Variants in ZNF407 observed in about 807,000 individuals in gnomAD.
ZNF407 encodes zinc finger protein 407.
A neutral mutation model predicts 131.2 loss-of-function variants in ZNF407; 17 were observed. The observed-to-expected ratio is 0.13, with a 90% CI of 0.09 to 0.19. The LOEUF is 0.19. Ranked by LOEUF, ZNF407 falls within the 10% of genes least tolerant of loss-of-function variation. The probability of loss-of-function intolerance (pLI) is 1.00; values close to 1 mark genes in which losing one functional copy is unlikely to be tolerated. For synonymous variants in ZNF407, 1,156 were observed against 1,062.0 expected (o/e 1.09, Z -1.72); for missense variants, 2,681 against 2,830.6 (o/e 0.95, Z 1.20).
At chr18:75,025,104 T>C (rs1274406134) in intron 8 of ZNF407, among the ~76,000 whole-genome samples, 1 of 152,244 alleles carries the variant, frequency 6.6e-6, no homozygotes, top group African/African-American at 2.4e-5. Flanking sequence ...TGTAACCATA[T>C]GTTTTTGCTT....
intron 1 of ZNF407, among the ~76,000 whole-genome samples, chr18:74,612,176 T>C (rs1983089625): frequency 6.6e-6 from 1 of 152,120 alleles, no homozygotes; most frequent in South Asian, 2.1e-4. Flanking sequence ...TTTTAAAGTT[T>C]AGAAACATGC....
intron 8 of ZNF407, among the ~76,000 whole-genome samples, chr18:74,937,194 A>G (rs1178334166): frequency 6.6e-6 from 1 of 152,234 alleles, no homozygotes; most frequent in Non-Finnish European, 1.5e-5. Context: ...GGCAAGCTCT[A>G]GAAAGTAGCA....
intron 3 of ZNF407, among the ~76,000 whole-genome samples, chr18:74,759,769 T>C (rs548098190): frequency 6.6e-6 from 1 of 151,830 alleles, no homozygotes; most frequent in South Asian, 2.1e-4. Flanking sequence ...TATTTTCCTG[T>C]ATTTCTTATT....
chr18:74,791,184 T>C (rs1969819095), intron 4 of ZNF407, among the ~76,000 whole-genome samples: 4 of 152,224 alleles, frequency 2.6e-5, no homozygotes, highest in African/African-American at 9.6e-5. Flanking sequence ...CCGTTAGTCC[T>C]TTCAAGAACA....
At chr18:75,035,510 G>A (rs533832339) in intron 8 of ZNF407, among the ~76,000 whole-genome samples, 7 of 152,164 alleles carry the variant, frequency 4.6e-5, no homozygotes, top group Admixed American at 2.0e-4. Context: ...TCAGGGTCTC[G>A]TTCTCTATAT....
chr18:74,884,962 A>G (rs923456748), intron 6 of ZNF407, among the ~76,000 whole-genome samples: 1 of 152,180 alleles, frequency 6.6e-6, no homozygotes, highest in Non-Finnish European at 1.5e-5. Flanking sequence ...TACCAACACT[A>G]TTGCGATAAA....
Position 74,634,964 on chromosome 18 carries a change from A to G in ZNF407, c.3945A>G (p.Glu1315=). Residue 1315 remains glutamate, a synonymous_variant, in exon 2 of 9, where the codon GAA becomes GAG. Transcript: ENST00000299687. ...AAATTCTGATGAATTCACAACATGA[A>G]ACAGAATTTATTTTGGAGGAGGATG... The part of the protein sequence containing the change: ...NKEILMNSQH[E]TEFILEEDGP... The G allele has an allele frequency of 6.2e-7, 1 of 1,614,018 alleles. No individual in the cohort carries two copies. The highest frequency in any genetic ancestry group is 1.3e-5 in the African/African-American group (1 of 75,060).
chr18:74,993,033 A>G (rs971979449), intron 8 of ZNF407, among the ~76,000 whole-genome samples: 4 of 152,206 alleles, frequency 2.6e-5, no homozygotes, highest in African/African-American at 7.2e-5. Context: ...TGCTGGTAGT[A>G]CTGTAAAAAT....
chr18:74,853,722 G>A (rs542145765), intron 4 of ZNF407, among the ~76,000 whole-genome samples: 4 of 151,966 alleles, frequency 2.6e-5, no homozygotes, highest in African/African-American at 4.8e-5. Flanking sequence ...GCTGCTCTCT[G>A]TTTGTTCATC....
At chr18:74,994,612 T>TGTCC (rs1215509868) in intron 8 of ZNF407, among the ~76,000 whole-genome samples, 1 of 152,222 alleles carries the variant, frequency 6.6e-6, no homozygotes, top group African/African-American at 2.4e-5. Flanking sequence ...TGCTGGTGTG[T>TGTCC]GTCCATCTGT....
chr18:74,775,623 T>C (rs1008516686), intron 3 of ZNF407, among the ~76,000 whole-genome samples: 2 of 152,192 alleles, frequency 1.3e-5, no homozygotes, highest in African/African-American at 4.8e-5. Context: ...CTCTGAATGC[T>C]TGTGTCCCTC....
Position 74,993,996 on chromosome 18 carries a change from G to A in ZNF407, c.5429-69154G>A, listed in dbSNP as rs890554032. 8.5e-5 allele frequency among the ~76,000 whole-genome samples: 13 copies of A among 152,262 alleles called. No homozygotes were observed. The South Asian group carries it at 1.5e-3, about 17-fold the overall frequency. ...GACACGCCACATAATGCTGTGGTCC[G>A]GTTTGGACCCTGCGCCAGAATTTCT... On this transcript the variant is annotated intron_variant, in intron 8 of 8. Coordinates refer to ENST00000299687, the MANE Select transcript of ZNF407 (RefSeq NM_017757.3).
chr18:74,631,201 G>A lies in ZNF407; in HGVS notation c.182G>A (p.Ser61Asn), dbSNP rs1568130236. The stretch of plus-strand genomic sequence containing the variant: ...TTTTCAGAATCATCGAACTCTGATA[G>A]TGTTGTTATAGGAGAAGACAGAAAT... ...RGFSESSNSD[S>N]VVIGEDRNKH... Residue 61 changes from serine (S) to asparagine (N), a missense_variant, in exon 2 of 9, where the codon AGT (serine) becomes AAT (asparagine). Around this residue, in one of 6 missense-constraint regions of ZNF407, gnomAD observed 1,789 missense variants for 1,748.7 expected, o/e 1.02. Transcript: ENST00000299687. 4 of 1,613,904 alleles carry A rather than the reference G, an allele frequency of 2.5e-6. No homozygotes were observed. The highest frequency in any genetic ancestry group is 2.2e-5 in the South Asian group (2 of 91,088).
intron 4 of ZNF407, among the ~76,000 whole-genome samples, chr18:74,815,020 G>T (rs1970248750): frequency 6.7e-6 from 1 of 149,884 alleles, no homozygotes; most frequent in East Asian, 1.9e-4. Flanking sequence ...TTATAAAATT[G>T]TTATTATAAA....
chr18:74,861,966 T>C (rs1396027512), intron 4 of ZNF407, among the ~76,000 whole-genome samples: 1 of 152,180 alleles, frequency 6.6e-6, no homozygotes, highest in Non-Finnish European at 1.5e-5. Flanking sequence ...AGTGTTTTCA[T>C]AGGTGCTTAG....
At chr18:74,780,024 C>CAT (rs1555687317) in intron 3 of ZNF407, among the ~76,000 whole-genome samples, 3 of 151,488 alleles carry the variant, frequency 2.0e-5, no homozygotes, top group Admixed American at 2.0e-4. Context: ...AATTTTTGTA[C>CAT]TTTTTTTTGC....
chr18:74,719,438 C>G (rs746467585), intron 3 of ZNF407, among the ~76,000 whole-genome samples: 1 of 152,298 alleles, frequency 6.6e-6, no homozygotes, highest in Non-Finnish European at 1.5e-5. Context: ...CTTGCTCTGT[C>G]GCCCAGGCTG....
At chr18:75,020,294 G>T (rs1973092820) in intron 8 of ZNF407, among the ~76,000 whole-genome samples, 1 of 139,004 alleles carries the variant, frequency 7.2e-6, no homozygotes, top group Non-Finnish European at 1.5e-5. Context: ...GTGTGTGTAT[G>T]TGTATATGTG....
intron 1 of ZNF407, among the ~76,000 whole-genome samples, chr18:74,604,955 C>T (rs911362909): frequency 1.3e-5 from 2 of 152,210 alleles, no homozygotes; most frequent in Non-Finnish European, 2.9e-5. Context: ...GCCATTCTTA[C>T]AGTAAGCAGT....
Sources: allele counts gnomAD v4.1 joint callset (sites outside exome capture counted in the v4.1 genomes callset), GRCh38; gene constraint gnomAD v4.1.1; regional missense constraint gnomAD v4.1.1; transcripts MANE v1.5; gene names NCBI Gene and HGNC (gene_info 2026-07-23, HGNC 2026-07-21).